The following PCDHA3 variants were observed in gnomAD, a reference collection of about 807,000 sequenced individuals.
PCDHA3 encodes protocadherin alpha-3.
Under a neutral mutation model 62.2 loss-of-function variants are expected in PCDHA3, and 41 were observed. The observed-to-expected ratio is 0.66, with a 90% CI of 0.51 to 0.86. The LOEUF (loss-of-function observed/expected upper bound fraction) is 0.86, where lower values mean the gene tolerates loss of function less well. Among genes scored for constraint, PCDHA3 ranks in the 40% least tolerant of loss-of-function variants. The pLI is 0.00. For missense variants in PCDHA3, 1,304 were observed against 1,241.2 expected (o/e 1.05, Z -0.76); for synonymous variants, 640 against 555.4 (o/e 1.15, Z -2.14).
At chr5:140,864,869 A>G (rs2048638117) in intron 1 of PCDHA3, 1 of 152,160 alleles carries the variant, frequency 6.6e-6, no homozygotes, top group South Asian at 2.1e-4. Context: ...GGGTGATACC[A>G]TTGTCTGTGT....
chr5:141,000,395 CTATA>C (rs1190667031), intron 3 of PCDHA3, among the ~76,000 whole-genome samples: 54 of 53,974 alleles, frequency 1.0e-3, no homozygotes, highest in East Asian at 2.4e-3. Context: ...CTCTCTCTCT[CTATA>C]TATATATATA....
intron 1 of PCDHA3, chr5:140,870,820 G>A (rs1554164732): frequency 6.2e-7 from 1 of 1,613,748 alleles, no homozygotes; most frequent in Non-Finnish European, 8.5e-7. Context: ...TGGCAGCGCG[G>A]GAGGCGCAGT....
chr5:140,922,272 G>A (rs547313117), intron 1 of PCDHA3, among the ~76,000 whole-genome samples: 37 of 152,312 alleles, frequency 2.4e-4, no homozygotes, highest in African/African-American at 8.7e-4. Flanking sequence ...ATGAAGATTG[G>A]ACCAAGATAT....
intron 1 of PCDHA3, among the ~76,000 whole-genome samples, chr5:140,895,037 C>G (rs28619398): frequency 6.6e-6 from 1 of 152,134 alleles, no homozygotes; most frequent in Non-Finnish European, 1.5e-5. Context: ...TTGTCCCCCA[C>G]CCACACCATT....
chr5:140,972,295 G>A (rs551210883), intron 1 of PCDHA3, among the ~76,000 whole-genome samples: 2 of 151,388 alleles, frequency 1.3e-5, no homozygotes, highest in South Asian at 2.1e-4. Context: ...GTGCGCCACC[G>A]TGTCTGACTA....
chr5:141,004,500 T>C (rs1481568200), intron 3 of PCDHA3, among the ~76,000 whole-genome samples: 1 of 152,242 alleles, frequency 6.6e-6, no homozygotes, highest in Non-Finnish European at 1.5e-5. Context: ...GCAGTCCTGC[T>C]GTGAGGGGCT....
At chr5:140,805,144 T>C (rs1763517709) in intron 1 of PCDHA3, 3 of 1,568,270 alleles carry the variant, frequency 1.9e-6, no homozygotes, top group African/African-American at 1.3e-5. Flanking sequence ...TTGAAGACTT[T>C]GGAATTTTCA....
chr5:140,885,290 A>G (rs1344746797), intron 1 of PCDHA3, among the ~76,000 whole-genome samples: 2 of 152,190 alleles, frequency 1.3e-5, no homozygotes, highest in African/African-American at 4.8e-5. Context: ...ATATATAGAG[A>G]GAGACCTGGT....
chr5:140,909,462 C>T (rs2074519059), intron 1 of PCDHA3, among the ~76,000 whole-genome samples: 1 of 152,212 alleles, frequency 6.6e-6, no homozygotes, highest in Non-Finnish European at 1.5e-5. Flanking sequence ...ATCCATCTGT[C>T]TTCTTCACAG....
chr5:140,822,359 T>G (rs2150115759), intron 1 of PCDHA3: 1 of 1,614,160 alleles, frequency 6.2e-7, no homozygotes, highest in Non-Finnish European at 8.5e-7. Flanking sequence ...GAGCTGGTTT[T>G]GAGGAAATCC....
chr5:140,858,013 G>T, intron 1 of PCDHA3: 1 of 1,596,968 alleles, frequency 6.3e-7, no homozygotes, highest in Middle Eastern at 1.7e-4. Context: ...ACCATGGCGA[G>T]CCGTCGCTGA....
Position 140,801,788 on chromosome 5 carries a change from A to G in PCDHA3, c.591A>G (p.Lys197=). The change falls in exon 1 of 4, where the codon AAA becomes AAG. Residue 197 remains lysine, a synonymous_variant. Coordinates refer to ENST00000522353, the MANE Select transcript of PCDHA3 (RefSeq NM_018906.3). ...TTAAATCCCTTGGACTCGTGTTGAAAAAAAATTTAAATCGAGAGGACACTC... is the reference window on the plus strand; with the variant it reads ...TTAAATCCCTTGGACTCGTGTTGAAGAAAAATTTAAATCGAGAGGACACTC... ...EEIKSLGLVL[K]KNLNREDTPK... is the part of the protein sequence containing the mutation. 1 of 1,614,048 alleles carries G rather than the reference A, an allele frequency of 6.2e-7. No individual in the cohort carries two copies. The highest frequency in any genetic ancestry group is 2.2e-5 in the East Asian group (1 of 44,890).
chr5:140,886,498 C>T (rs1415505049), intron 1 of PCDHA3, among the ~76,000 whole-genome samples: 1 of 151,920 alleles, frequency 6.6e-6, no homozygotes, highest in African/African-American at 2.4e-5. Context: ...ATATCTTTTT[C>T]CTTTTATGGA....
At chr5:140,967,947 C>A in intron 1 of PCDHA3, 1 of 1,614,222 alleles carries the variant, frequency 6.2e-7, no homozygotes, top group Non-Finnish European at 8.5e-7. Flanking sequence ...GACCAAGACT[C>A]AGGCCCCAAC....
intron 1 of PCDHA3, among the ~76,000 whole-genome samples, chr5:140,916,248 T>C (rs2077492943): frequency 6.6e-6 from 1 of 152,180 alleles, no homozygotes; most frequent in Admixed American, 6.5e-5. Flanking sequence ...AGCCTGGACT[T>C]GGGGACCCCA....
At chr5:140,889,009 C>T (rs1030437186) in intron 1 of PCDHA3, among the ~76,000 whole-genome samples, 7 of 152,128 alleles carry the variant, frequency 4.6e-5, no homozygotes, top group Admixed American at 1.3e-4. Flanking sequence ...GCAAACCAAC[C>T]TCTACTTCCT....
intron 1 of PCDHA3, chr5:140,828,598 C>A (rs2150157215): frequency 1.9e-5 from 30 of 1,614,080 alleles, no homozygotes; most frequent in Non-Finnish European, 2.3e-5. Context: ...CCATCTTAAC[C>A]TATAAACTCA....
chr5:140,968,401 C>A, intron 1 of PCDHA3: 4 of 1,613,984 alleles, frequency 2.5e-6, no homozygotes, highest in Non-Finnish European at 2.5e-6. Context: ...TTCGGGAGTT[C>A]TTTGTGACTG....
chr5:140,898,462 CTTGT>C (rs2066755516), intron 1 of PCDHA3, among the ~76,000 whole-genome samples: 1 of 150,202 alleles, frequency 6.7e-6, no homozygotes, highest in South Asian at 2.1e-4. Flanking sequence ...TTCCCCATTG[CTTGT>C]TTTTCTCAGG....
Sources: allele counts gnomAD v4.1 joint callset (sites outside exome capture counted in the v4.1 genomes callset), GRCh38; gene constraint gnomAD v4.1.1; transcripts MANE v1.5; gene names NCBI Gene and HGNC (gene_info 2026-07-23, HGNC 2026-07-21).